KIAA1549L: variants seen among roughly 807,000 people sequenced by gnomAD.
KIAA1549L encodes UPF0606 protein KIAA1549L.
A neutral mutation model predicts 160.7 loss-of-function variants in KIAA1549L; 88 were observed. The observed-to-expected ratio is 0.55, with a 90% confidence interval of 0.46 to 0.65. KIAA1549L has a LOEUF of 0.65. Ranked by LOEUF, KIAA1549L falls within the 30% of genes least tolerant of loss-of-function variation. The pLI is 0.00. For missense variants in KIAA1549L, 2,258 were observed against 2,437.5 expected, an observed-to-expected ratio of 0.93 and a Z score of 1.55; for synonymous variants, 950 against 976.7, an observed-to-expected ratio of 0.97 and a Z score of 0.51.
intron 1 of KIAA1549L, among the ~76,000 whole-genome samples, chr11:33,421,244 G>A (rs1048357565): frequency 2.2e-4 from 33 of 150,906 alleles, no homozygotes; most frequent in African/African-American, 7.6e-4. Context: ...GAAGAAAGGG[G>A]GATGGGTGGG....
chr11:33,497,744 TTTAC>T (rs750172827), intron 1 of KIAA1549L, among the ~76,000 whole-genome samples: 1 of 152,222 alleles, frequency 6.6e-6, no homozygotes, highest in Non-Finnish European at 1.5e-5. Context: ...ACATTTTATA[TTTAC>T]TTAACCTTTC....
chr11:33,626,466 G>A (rs1851116118), intron 16 of KIAA1549L, among the ~76,000 whole-genome samples: 1 of 149,672 alleles, frequency 6.7e-6, no homozygotes, highest in Admixed American at 6.6e-5. Context: ...TCCTTGAAGA[G>A]GTCCTTCACA....
intron 1 of KIAA1549L, among the ~76,000 whole-genome samples, chr11:33,512,998 C>T (rs185566981): frequency 1.1e-4 from 16 of 152,144 alleles, no homozygotes; most frequent in South Asian, 2.1e-4. Context: ...TAACCTTTGG[C>T]GGTGATACCT....
chr11:33,576,477 A>G (rs1039843671), intron 10 of KIAA1549L, among the ~76,000 whole-genome samples: 1 of 152,040 alleles, frequency 6.6e-6, no homozygotes, highest in Non-Finnish European at 1.5e-5. Context: ...AGCTTGCTTC[A>G]TCTGTTTTGC....
chr11:33,408,995 GA>G (rs35812711), intron 1 of KIAA1549L, among the ~76,000 whole-genome samples: 1 of 145,312 alleles, frequency 6.9e-6, no homozygotes, highest in African/African-American at 2.5e-5. Context: ...AACTGCACTT[GA>G]AAAAAAGTCA....
At chr11:33,588,051 G>T (rs117743024) in intron 11 of KIAA1549L, among the ~76,000 whole-genome samples, 84 of 152,302 alleles carry the variant, frequency 5.5e-4, no homozygotes, top group African/African-American at 1.9e-3. Context: ...GTGAGCCTGC[G>T]TAAGCTGCTT....
intron 1 of KIAA1549L, among the ~76,000 whole-genome samples, chr11:33,487,402 C>CT (rs112165825): frequency 0.033 from 2,798 of 85,430 alleles, 52 homozygotes; most frequent in African/African-American, 0.066. Context: ...GTCTATTGTT[C>CT]TTTTTTTTTT....
chr11:33,549,962 G>A (rs1218810592), intron 4 of KIAA1549L, among the ~76,000 whole-genome samples: 2 of 151,350 alleles, frequency 1.3e-5, no homozygotes, highest in East Asian at 3.9e-4. Context: ...CTGTGATCAT[G>A]CCACTGTACT....
At chr11:33,450,229 TG>T (rs1212204140) in intron 1 of KIAA1549L, among the ~76,000 whole-genome samples, 1 of 152,090 alleles carries the variant, frequency 6.6e-6, no homozygotes, top group East Asian at 1.9e-4. Flanking sequence ...ATGGGCGAGT[TG>T]GGCTTTCCAT....
intron 13 of KIAA1549L, among the ~76,000 whole-genome samples, chr11:33,600,515 C>A (rs554405106): frequency 1.3e-5 from 2 of 151,838 alleles, no homozygotes; most frequent in South Asian, 2.1e-4. Context: ...TGGTGCTTCC[C>A]GCCCTCCCAG....
At chr11:33,597,270 T>C (rs2133300591) in intron 12 of KIAA1549L, among the ~76,000 whole-genome samples, 1 of 152,354 alleles carries the variant, frequency 6.6e-6, no homozygotes, top group South Asian at 2.1e-4. Flanking sequence ...GGAATGTTCT[T>C]GGCAGATACT....
chr11:33,588,675 C>T (rs963873162), intron 11 of KIAA1549L, among the ~76,000 whole-genome samples: 1 of 152,156 alleles, frequency 6.6e-6, no homozygotes, highest in African/African-American at 2.4e-5. Context: ...TATCTGAAGG[C>T]TTGCTTCTGT....
chr11:33,532,562 G>A (rs1428851093), intron 1 of KIAA1549L, among the ~76,000 whole-genome samples: 1 of 152,206 alleles, frequency 6.6e-6, no homozygotes, highest in Non-Finnish European at 1.5e-5. Context: ...GAGATGTTAA[G>A]TAACTTGTCC....
chr11:33,381,351 C>T (rs908183700), intron 1 of KIAA1549L, among the ~76,000 whole-genome samples: 1 of 152,164 alleles, frequency 6.6e-6, no homozygotes, highest in Non-Finnish European at 1.5e-5. Context: ...GGAGGCCTTT[C>T]TGAGGAGATG....
chr11:33,422,376 T>G (rs1219026612), intron 1 of KIAA1549L, among the ~76,000 whole-genome samples: 1 of 152,130 alleles, frequency 6.6e-6, no homozygotes, highest in African/African-American at 2.4e-5. Flanking sequence ...TTGTCACTTT[T>G]CTTGATCCAC....
At chr11:33,618,487 T>C in intron 15 of KIAA1549L, 46 bp from the exon 16 acceptor site, 1 of 1,549,334 alleles carries the variant, frequency 6.5e-7, no homozygotes. Context: ...GAATTCCATC[T>C]GTCAGGGCAT....
At chr11:33,594,382 C>T (rs1850145069) in intron 12 of KIAA1549L, among the ~76,000 whole-genome samples, 1 of 152,164 alleles carries the variant, frequency 6.6e-6, no homozygotes, top group African/African-American at 2.4e-5. Flanking sequence ...TTCTTCTGGT[C>T]TCAGCTAGGC....
chr11:33,502,630 TAAAC>T (rs1179384797), intron 1 of KIAA1549L, among the ~76,000 whole-genome samples: 1 of 152,242 alleles, frequency 6.6e-6, no homozygotes, highest in Non-Finnish European at 1.5e-5. Context: ...AGAAGCCTAA[TAAAC>T]AAATGCCAAA....
At chr11:33,621,692 C>T (rs1444907216) in intron 16 of KIAA1549L, among the ~76,000 whole-genome samples, 2 of 152,120 alleles carry the variant, frequency 1.3e-5, no homozygotes, top group Non-Finnish European at 2.9e-5. Flanking sequence ...ATATGATTCT[C>T]AGGCAGAATA....
Sources: allele counts gnomAD v4.1 joint callset (sites outside exome capture counted in the v4.1 genomes callset), GRCh38; gene constraint gnomAD v4.1.1; transcripts MANE v1.5; gene names NCBI Gene and HGNC (gene_info 2026-07-23, HGNC 2026-07-21).